The following DACH2 variants were observed in gnomAD, a reference collection of about 807,000 sequenced individuals.
DACH2 encodes the protein dachshund family transcription factor 2.
DACH2 carries 17 observed loss-of-function variants against 35.8 expected under a neutral mutation model. The observed-to-expected ratio is 0.48, with a 90% CI of 0.33 to 0.71. DACH2 has a LOEUF of 0.71. DACH2 is among the 30% of genes least tolerant of loss of function. DACH2 has a pLI of 0.02. For missense variants in DACH2, 469 were observed against 472.7 expected (o/e 0.99, Z 0.07); for synonymous variants, 195 against 177.3 (o/e 1.10, Z -0.79).
intron 7 of DACH2, among the ~76,000 whole-genome samples, chrX:86,772,544 T>C (rs2041996890): frequency 9.0e-6 from 1 of 111,598 alleles, no homozygotes; most frequent in South Asian, 3.7e-4. Flanking sequence ...TTTCCTTTCA[T>C]CTAGGAATAG....
intron 2 of DACH2, among the ~76,000 whole-genome samples, chrX:86,463,388 G>T (rs2037608816): frequency 9.1e-6 from 1 of 110,185 alleles, no homozygotes; most frequent in Non-Finnish European, 1.9e-5. Context: ...ACAACCACCT[G>T]ATTTTCAACA....
intron 3 of DACH2, among the ~76,000 whole-genome samples, chrX:86,640,298 G>T (rs914831306): frequency 9.0e-6 from 1 of 110,850 alleles, no homozygotes; most frequent in African/African-American, 3.3e-5. Context: ...AACTGTCCTT[G>T]CCACCCCCAG....
intron 10 of DACH2, 113 bp downstream of exon 10, chrX:86,814,947 G>C: frequency 2.5e-5 from 19 of 774,650 alleles, no homozygotes; most frequent in Non-Finnish European, 3.1e-5. Context: ...AGGGAGAGAG[G>C]GAAACACAGA....
At chrX:86,691,345 A>G (rs2041007922) in intron 4 of DACH2, among the ~76,000 whole-genome samples, 1 of 111,730 alleles carries the variant, frequency 9.0e-6, no homozygotes, top group Admixed American at 9.6e-5. Flanking sequence ...TTTAAAATAA[A>G]GAATCTAACT....
At chrX:86,803,817 A>G (rs1472215616) in intron 7 of DACH2, among the ~76,000 whole-genome samples, 1 of 110,966 alleles carries the variant, frequency 9.0e-6, no homozygotes, top group Non-Finnish European at 1.9e-5. Flanking sequence ...AATTTTACAG[A>G]ACAAAATAAA....
intron 3 of DACH2, among the ~76,000 whole-genome samples, chrX:86,628,227 T>A (rs66754031): frequency 0.12 from 13,922 of 111,780 alleles, 750 homozygotes; most frequent in East Asian, 0.32. Flanking sequence ...TTGGTAAGGG[T>A]GACATTTTTA....
intron 1 of DACH2, among the ~76,000 whole-genome samples, chrX:86,303,905 C>A (rs184606158): frequency 4.2e-4 from 47 of 110,951 alleles, no homozygotes; most frequent in African/African-American, 1.2e-3. Context: ...CGTATGGAAC[C>A]ACAAAAGACT....
chrX:86,768,899 C>T (rs781505737), intron 7 of DACH2, among the ~76,000 whole-genome samples: 3 of 110,939 alleles, frequency 2.7e-5, no homozygotes, highest in South Asian at 3.8e-4. Context: ...AGTGAGAACA[C>T]GCAATATTTG....
chrX:86,716,215 A>G lies in DACH2; in HGVS notation c.1104+1495A>G, dbSNP rs772708047. On this transcript the variant is annotated intron_variant, in intron 6 of 11. Coordinates refer to ENST00000373125, the MANE Select transcript of DACH2 (RefSeq NM_053281.3). ...AAATAAAGCCTGTGGTTGATAATGG[A>G]TTAGTCTATCCTAACTAATGAGAGC... Among the ~76,000 whole-genome samples the G allele has an allele frequency of 1.7e-3, 193 of 111,868 alleles. 1 individual carries two copies. Among genetic ancestry groups the G allele is most frequent in the African/African-American group, 5.9e-3 (183 of 30,849 alleles).
rs1194704943 is a variant in DACH2, at chrX:86,556,795, T to TAGAGAGAG, written c.640+42432_640+42439dup. 5.9e-3 allele frequency among the ~76,000 whole-genome samples: 150 copies of TAGAGAGAG among 25,228 alleles called. 1 individual carries two copies. The highest frequency in any genetic ancestry group is 0.02 in the South Asian group (5 of 248). 21.9% of individuals were successfully genotyped at this position (25,228 alleles called of 115,157 possible). On this transcript the variant is annotated intron_variant, in intron 3 of 11. Coordinates refer to ENST00000373125, the MANE Select transcript of DACH2 (RefSeq NM_053281.3). ...ATATATATATATATATATATATATA[T>TAGAGAGAG]AGAGAGAGAGAGAGAGAGAGAGAGA...
At chrX:86,164,071 G>A (rs1005617721) in intron 1 of DACH2, among the ~76,000 whole-genome samples, 14 of 111,263 alleles carry the variant, frequency 1.3e-4, no homozygotes, top group African/African-American at 4.6e-4. Context: ...CCTTTTCTCC[G>A]CAACCTCACC....
At chrX:86,406,296 C>A (rs1164035129) in intron 2 of DACH2, among the ~76,000 whole-genome samples, 5 of 111,831 alleles carry the variant, frequency 4.5e-5, no homozygotes, top group Non-Finnish European at 7.5e-5. Context: ...GAACAGAAAA[C>A]TAAATATCAC....
chrX:86,168,764 A>G (rs974976505), intron 1 of DACH2, among the ~76,000 whole-genome samples: 5 of 109,885 alleles, frequency 4.6e-5, no homozygotes, highest in Non-Finnish European at 9.5e-5. Flanking sequence ...TTGCATTAAA[A>G]AAAGACAACT....
At chrX:86,416,671 T>C (rs780344166) in intron 2 of DACH2, among the ~76,000 whole-genome samples, 2 of 111,424 alleles carry the variant, frequency 1.8e-5, no homozygotes, top group Admixed American at 9.6e-5. Context: ...AGAAGTGTGG[T>C]GCCAGCATCG....
At chrX:86,500,859 A>G (rs1341082538) in intron 2 of DACH2, among the ~76,000 whole-genome samples, 1 of 111,832 alleles carries the variant, frequency 8.9e-6, no homozygotes, top group East Asian at 2.8e-4. Flanking sequence ...GCAGTAAGTA[A>G]CCTTTTGCAT....
intron 1 of DACH2, among the ~76,000 whole-genome samples, chrX:86,345,879 T>G (rs1382004932): frequency 8.9e-6 from 1 of 112,050 alleles, no homozygotes; most frequent in Non-Finnish European, 1.9e-5. Context: ...CAGGGAAAAA[T>G]ACTGCTTATT....
At chrX:86,573,883 C>T (rs2039403271) in intron 3 of DACH2, among the ~76,000 whole-genome samples, 1 of 111,520 alleles carries the variant, frequency 9.0e-6, no homozygotes, top group South Asian at 3.7e-4. Context: ...ACAATATGTG[C>T]ATGCTTTAAA....
At chrX:86,584,092 A>G (rs5967744) in intron 3 of DACH2, among the ~76,000 whole-genome samples, 35,162 of 109,934 alleles carry the variant, frequency 0.32, 4,415 homozygotes, top group East Asian at 0.54. Context: ...GTTTTCAACT[A>G]TGAATTCAAT....
chrX:86,673,105 G>C (rs764241936), intron 4 of DACH2, among the ~76,000 whole-genome samples: 1 of 110,977 alleles, frequency 9.0e-6, no homozygotes, highest in Admixed American at 9.5e-5. Flanking sequence ...GGAGGCCGAG[G>C]CGGGTGGATC....
Sources: allele counts gnomAD v4.1 joint callset (sites outside exome capture counted in the v4.1 genomes callset), GRCh38; gene constraint gnomAD v4.1.1; transcripts MANE v1.5; gene names NCBI Gene and HGNC (gene_info 2026-07-23, HGNC 2026-07-21).